Variants in GLI3 observed in about 807,000 individuals in gnomAD.
GLI3 encodes the protein transcription activator GLI3.
In GLI3, 20 loss-of-function variants were observed where a neutral mutation model predicts 100.8. The ratio of observed to expected loss-of-function variants is 0.20; its 90% CI spans 0.14 to 0.29. The LOEUF is 0.29. Among genes scored for constraint, GLI3 ranks in the 10% least tolerant of loss-of-function variants. The pLI is 1.00. For missense variants in GLI3, 2,040 were observed against 2,128.5 expected, an observed-to-expected ratio of 0.96 and a Z score of 0.82; for synonymous variants, 938 against 860.5, an observed-to-expected ratio of 1.09 and a Z score of -1.58.
chr7:42,026,515 C>G, intron 7 of GLI3, 103 bp from the exon 8 acceptor site: 1 of 915,266 alleles, frequency 1.1e-6, no homozygotes, highest in East Asian at 2.6e-5. Flanking sequence ...CATCCCAAAT[C>G]AAATTTGTTT....
chr7:42,142,830 T>A (rs1157089917), intron 3 of GLI3, among the ~76,000 whole-genome samples: 1 of 148,918 alleles, frequency 6.7e-6, no homozygotes, highest in East Asian at 2.0e-4. Flanking sequence ...TCCCAGCTAC[T>A]CGGGAGGCTG....
At chr7:41,994,863 C>T (rs1788081481) in intron 10 of GLI3, among the ~76,000 whole-genome samples, 1 of 152,218 alleles carries the variant, frequency 6.6e-6, no homozygotes, top group South Asian at 2.1e-4. Context: ...TTTGACACTT[C>T]AGGCACATGC....
chr7:42,015,205 A>C (rs1012124470), intron 10 of GLI3, among the ~76,000 whole-genome samples: 14 of 152,288 alleles, frequency 9.2e-5, no homozygotes, highest in African/African-American at 3.1e-4. Flanking sequence ...AGTTTCTGGC[A>C]GATGTAGGAA....
chr7:42,142,934 CAAAAAA>C (rs11287528), intron 3 of GLI3, among the ~76,000 whole-genome samples: 1 of 76,916 alleles, frequency 1.3e-5, no homozygotes. Context: ...ACTCTGTCTC[CAAAAAA>C]AAAAAAAAAA....
In GLI3 at chr7:42,002,066, A is replaced by G. The variant is rs6463086; in HGVS notation, c.1497+21402T>C. Among the ~76,000 whole-genome samples, 9 of 38,002 alleles carry G rather than the reference A, an allele frequency of 2.4e-4. No individual in the cohort carries two copies. The African/African-American group carries it at 3.0e-3, about 13-fold the overall frequency. 24.9% of individuals were successfully genotyped at this position (38,002 alleles called of 152,430 possible). On this transcript the variant is annotated intron_variant, in intron 10 of 14. Coordinates refer to ENST00000395925, the MANE Select transcript of GLI3 (RefSeq NM_000168.6). ...GGAAAACATGGCAAGACACACACACACACACACACACGCACACACACACAC... is the reference window on the plus strand; with the variant it reads ...GGAAAACATGGCAAGACACACACACGCACACACACACGCACACACACACAC...
chr7:42,262,470 G>A (rs955961212), intron 1 of GLI3, among the ~76,000 whole-genome samples: 1 of 152,066 alleles, frequency 6.6e-6, no homozygotes, highest in Admixed American at 6.6e-5. Context: ...ATGTTGCCCA[G>A]GCTTGTCTCA....
At chr7:42,012,389 T>C (rs962852763) in intron 10 of GLI3, among the ~76,000 whole-genome samples, 14 of 151,986 alleles carry the variant, frequency 9.2e-5, no homozygotes, top group African/African-American at 3.4e-4. Flanking sequence ...CCCCCTCCCT[T>C]TTCTTCTTCT....
rs1189345797 is a variant in GLI3 at position 41,964,448 on chromosome 7, C to T, written c.4625G>A (p.Arg1542Gln). 6.2e-7 allele frequency: 1 copy of T among 1,614,120 alleles called. No homozygotes were observed. Among genetic ancestry groups the T allele is most frequent in the Non-Finnish European group, 8.5e-7 (1 of 1,179,998 alleles). ...CAGCGCTGGGAATGGGAGGGACGCC[C>T]GAGGCGTGGTGAGGCGGGAGGAGCT... ...SHSSSRLTTP[R>Q]ASLPFPALSM... The change falls in exon 15 of 15, where the codon CGG becomes CAG. Residue 1542 changes from arginine to glutamine, a missense_variant. Coordinates refer to ENST00000395925, the MANE Select transcript of GLI3 (RefSeq NM_000168.6).
chr7:42,161,135 G>A (rs1418854429), intron 2 of GLI3, among the ~76,000 whole-genome samples: 2 of 152,194 alleles, frequency 1.3e-5, no homozygotes, highest in African/African-American at 2.4e-5. Flanking sequence ...ATTTTAGGGT[G>A]ATTACTGACA....
chr7:42,062,221 C>A (rs1527499), intron 4 of GLI3, among the ~76,000 whole-genome samples: 95,868 of 151,958 alleles, frequency 0.63, 31,203 homozygotes, highest in African/African-American at 0.79. Flanking sequence ...AAATCCAGTG[C>A]TTTCTATGAT....
At chr7:42,126,521 C>T (rs970198606) in intron 3 of GLI3, among the ~76,000 whole-genome samples, 1 of 152,102 alleles carries the variant, frequency 6.6e-6, no homozygotes, top group African/African-American at 2.4e-5. Context: ...TGATCAAGAC[C>T]TAGAGAAAGT....
intron 1 of GLI3, among the ~76,000 whole-genome samples, chr7:42,262,684 G>T (rs1204300663): frequency 6.6e-6 from 1 of 152,248 alleles, no homozygotes; most frequent in East Asian, 1.9e-4. Context: ...ACATTTTAAA[G>T]AATTAATTTA....
chr7:42,208,715 T>C (rs1031538971), intron 2 of GLI3, among the ~76,000 whole-genome samples: 1 of 152,158 alleles, frequency 6.6e-6, no homozygotes, highest in Non-Finnish European at 1.5e-5. Flanking sequence ...TAAAACCAGA[T>C]GCCAAACAGA....
chr7:41,991,678 G>A (rs1209841846), intron 10 of GLI3, among the ~76,000 whole-genome samples: 3 of 152,216 alleles, frequency 2.0e-5, no homozygotes, highest in African/African-American at 7.2e-5. Context: ...CATTGTGCCT[G>A]AGTCTAAATA....
At chr7:42,178,900 T>G (rs990523576) in intron 2 of GLI3, among the ~76,000 whole-genome samples, 2 of 151,924 alleles carry the variant, frequency 1.3e-5, no homozygotes, top group African/African-American at 2.4e-5. Flanking sequence ...TTGACAGACA[T>G]GAGCGAGTCA....
intron 2 of GLI3, chr7:42,152,369 T>A: frequency 4.1e-6 from 4 of 984,050 alleles, no homozygotes; most frequent in Non-Finnish European, 4.8e-6. Context: ...GTCCCCAGGC[T>A]CTGGCTAGCT....
chr7:42,235,911 G>A (rs1447675979), intron 1 of GLI3, among the ~76,000 whole-genome samples: 1 of 152,192 alleles, frequency 6.6e-6, no homozygotes, highest in Non-Finnish European at 1.5e-5. Context: ...TGTACCCAAG[G>A]CCAGAATCTA....
intron 14 of GLI3, 61 bp downstream of exon 14, chr7:41,967,535 T>C (rs938124752): frequency 1.8e-5 from 21 of 1,148,224 alleles, no homozygotes; most frequent in Non-Finnish European, 2.7e-5. Context: ...ACTGAGGGCC[T>C]GCATTTAAAA....
At chr7:42,229,773 A>T (rs548083924) in intron 1 of GLI3, among the ~76,000 whole-genome samples, 216 of 151,716 alleles carry the variant, frequency 1.4e-3, no homozygotes, top group African/African-American at 4.6e-3. Context: ...TAGAAAGAGA[A>T]TTTTTTTTTC....
Sources: gnomAD v4.1 joint callset for allele counts (sites outside exome capture counted in the v4.1 genomes callset) on GRCh38, gnomAD v4.1.1 for gene constraint, MANE v1.5 for transcripts, NCBI Gene and HGNC (gene_info 2026-07-23, HGNC 2026-07-21) for gene names.